Variants in GNAS observed in about 807,000 individuals in gnomAD.
The protein encoded by GNAS is protein ALEX.
In GNAS, 8 loss-of-function variants were observed where a neutral mutation model predicts 54.5. That is an observed-to-expected ratio of 0.15 (90% CI 0.09 to 0.26). GNAS has a LOEUF of 0.26. Ranked by LOEUF, GNAS falls within the 10% of genes least tolerant of loss-of-function variation. The probability of loss-of-function intolerance (pLI) is 1.00; values close to 1 mark genes in which losing one functional copy is unlikely to be tolerated. For missense variants in GNAS, 170 were observed against 529.8 expected (o/e 0.32, Z 6.67); for synonymous variants, 204 against 191.4 (o/e 1.07, Z -0.54).
chr20:58,895,712 A>AC, intron 2 of GNAS, 28 bp downstream of exon 2: 2 of 1,284,200 alleles, frequency 1.6e-6, no homozygotes, highest in Non-Finnish European at 2.3e-6. Flanking sequence ...GCAGGGGGGC[A>AC]CCAAGTAAGA....
intron 3 of GNAS, chr20:58,900,161 T>TGTA (rs544768639): frequency 1.7e-6 from 1 of 586,632 alleles, no homozygotes; most frequent in Non-Finnish European, 3.0e-6. Context: ...TTGGCAGAAA[T>TGTA]GTAGTATGAC....
Position 58,873,977 on chromosome 20 carries a change from C to T in GNAS, c.44-21635C>T, listed in dbSNP as rs1363065088. Among the ~76,000 whole-genome samples, 3 of 152,212 alleles carry T rather than the reference C, an allele frequency of 2.0e-5. No individual in the cohort carries two copies. Among genetic ancestry groups the T allele is most frequent in the African/African-American group, 7.2e-5 (3 of 41,456 alleles). ...AGGTTACCTAAAAGTGTCATGAGTG[C>T]TGATAATTAAACTGCAGAAAACCTA... On this transcript the variant is annotated intron_variant, in intron 1 of 12. Coordinates refer to the GNAS transcript ENST00000306090. The surrounding 1 kb of genome is among the most constrained non-coding windows in gnomAD (Gnocchi z 4.3).
Position 58,895,718 on chromosome 20 carries a change from T to G in GNAS, c.212+34T>G, listed in dbSNP as rs778859201. 36 of 1,213,964 alleles carry G rather than the reference T, an allele frequency of 3.0e-5. No homozygotes were observed. In the East Asian group the frequency reaches 7.9e-4, roughly 27 times the overall value. The allele number at this position is 1,213,964 out of a possible 1,614,324, so 75.2% of individuals were successfully genotyped here. A position where few individuals can be genotyped will look rare whatever the true frequency, so the allele number is the denominator to read the frequency against. ...CAAATCTGTGCAGGGGGGCACCAAG[T>G]AAGAGGAACAGACTTTATACTAACC... On this transcript the variant is annotated intron_variant, in intron 2 of 12. Transcript: ENST00000371085.
chr20:58,908,874 G>A (rs1782671942), intron 6 of GNAS: 2 of 530,332 alleles, frequency 3.8e-6, no homozygotes, highest in African/African-American at 1.9e-5. Context: ...GTGCTGTGCT[G>A]TTTGTGTGGC....
At chr20:58,900,631 G>A (rs140595385) in intron 3 of GNAS, among the ~76,000 whole-genome samples, 118 of 152,314 alleles carry the variant, frequency 7.7e-4, no homozygotes, top group African/African-American at 2.6e-3. Context: ...TCCAGCCTTA[G>A]TCCCAATTTT....
intron 1 of GNAS, chr20:58,854,646 G>A (rs1356499954): frequency 2.0e-6 from 3 of 1,530,920 alleles, no homozygotes; most frequent in African/African-American, 2.8e-5. Flanking sequence ...GGCCCCTGAC[G>A]CCCCAGCCGA....
At chr20:58,881,832 A>C (rs1209169902) in intron 1 of GNAS, 1 of 152,218 alleles carries the variant, frequency 6.6e-6, no homozygotes, top group Non-Finnish European at 1.5e-5. Flanking sequence ...AGCATGTTGC[A>C]GATCAGACTC....
At chr20:58,889,396 G>T, upstream of GNAS, 1 of 982,584 alleles carries the variant, frequency 1.0e-6, no homozygotes, top group Non-Finnish European at 1.2e-6. Flanking sequence ...AGTGCGAGTC[G>T]CCCGGCGCAG....
At position 58,856,888 on chromosome 20, in the gene GNAS, CTCCCAGTCTT is replaced by C; in HGVS notation, c.43+16007_43+16016del. ...CCCACAGCAAGACCCTCTCCTGTATCTCCCAGTCTTTCCCTGGCCATTCCCAGTTCCCCAC... is the reference window on the plus strand; with the variant it reads ...CCCACAGCAAGACCCTCTCCTGTATCTCCCTGGCCATTCCCAGTTCCCCAC... On this transcript the variant is annotated intron_variant, in intron 1 of 12. Coordinates refer to the GNAS transcript ENST00000306090. This position sits in a 1 kb window ranked among gnomAD's most constrained non-coding sequence, Gnocchi z 4.2. 6.6e-6 allele frequency: 1 copy of C among 151,934 alleles called. No individual in the cohort carries two copies. 9.4% of individuals were successfully genotyped at this position (151,934 alleles called of 1,614,324 possible).
At chr20:58,885,930 A>G (rs1184159642) in intron 1 of GNAS, among the ~76,000 whole-genome samples, 1 of 152,244 alleles carries the variant, frequency 6.6e-6, no homozygotes, top group Non-Finnish European at 1.5e-5. Flanking sequence ...TAGGCTATTA[A>G]AATAATATTA....
Position 58,891,849 on chromosome 20 carries a change from C to A in GNAS, c.123C>A (p.His41Gln). The A allele has an allele frequency of 2.4e-6, 3 of 1,233,688 alleles. No individual in the cohort carries two copies. Among genetic ancestry groups the A allele is most frequent in the South Asian group, 1.4e-5 (1 of 69,662 alleles). The allele number at this position is 1,233,688 out of a possible 1,614,324, so 76.4% of individuals were successfully genotyped here. The change falls in exon 1 of 13, where the codon CAC becomes CAA. Residue 41 changes from histidine to glutamine, a missense_variant. Coordinates refer to ENST00000371085, the MANE Select transcript of GNAS (RefSeq NM_000516.7). ...QKDKQVYRAT[H>Q]RLLLLGAGES... ...ACAAGCAGGTCTACCGGGCCACGCACCGCCTGCTGCTGCTGGGTAAGGGCG... is the reference window on the plus strand; with the variant it reads ...ACAAGCAGGTCTACCGGGCCACGCAACGCCTGCTGCTGCTGGGTAAGGGCG...
intron 5 of GNAS, among the ~76,000 whole-genome samples, chr20:58,904,081 A>G (rs1013319593): frequency 2.0e-5 from 3 of 152,234 alleles, no homozygotes; most frequent in Admixed American, 2.0e-4. Flanking sequence ...CTTGAATACT[A>G]CAATCTCACT....
chr20:58,872,402 G>C (rs935940676), intron 1 of GNAS, among the ~76,000 whole-genome samples: 7 of 151,976 alleles, frequency 4.6e-5, no homozygotes, highest in Non-Finnish European at 8.8e-5. Context: ...ACAAAACAAA[G>C]CAAACCCTAA....
At chr20:58,891,933 C>A (rs2089413890) in intron 1 of GNAS, 68 bp downstream of exon 1, 1 of 899,118 alleles carries the variant, frequency 1.1e-6, no homozygotes, top group Non-Finnish European at 1.3e-6. Context: ...AGGCCGCGCG[C>A]GCCGAGCCCG....
chr20:58,904,453 C>T (rs548158569), intron 5 of GNAS, among the ~76,000 whole-genome samples: 1 of 152,280 alleles, frequency 6.6e-6, no homozygotes, highest in Admixed American at 6.5e-5. Flanking sequence ...TGTTGGCTCC[C>T]TAAAGAACTA....
At position 58,891,449 on chromosome 20, in the gene GNAS, C is replaced by T. The variant is rs1311225906; in HGVS notation, c.-278C>T. On this transcript the variant is annotated 5_prime_UTR_variant, in exon 1 of 13. Transcript: ENST00000371085. Reference sequence around the variant, plus strand: ...AGCTCCCGCAGCTCCTGCTCTGGTCCGCCTCGGCCCGGCGGCGGCCATCAG... The same window carrying T: ...AGCTCCCGCAGCTCCTGCTCTGGTCTGCCTCGGCCCGGCGGCGGCCATCAG... The T allele has an allele frequency of 7.9e-6, 5 of 630,558 alleles. No individual in the cohort carries two copies. Among genetic ancestry groups the T allele is most frequent in the South Asian group, 6.6e-5 (1 of 15,180 alleles). 39.1% of individuals were successfully genotyped at this position (630,558 alleles called of 1,614,324 possible).
chr20:58,903,518 A>G lies in GNAS; in HGVS notation c.258-13A>G, dbSNP rs749854088. 2 of 1,609,490 alleles carry G rather than the reference A, an allele frequency of 1.2e-6. No homozygotes were observed. The highest frequency in any genetic ancestry group is 1.7e-6 in the Non-Finnish European group (2 of 1,175,776). On this transcript the variant is annotated splice_polypyrimidine_tract_variant and intron_variant, in intron 3 of 12. Transcript: ENST00000371085. ...TGCAATATGATTTTCTTTTCTTTTC[A>G]ATCCCACTGCAGTGAGAAGGCAACC...
At chr20:58,908,554 T>A (rs1451881142) in intron 6 of GNAS, among the ~76,000 whole-genome samples, 1 of 151,830 alleles carries the variant, frequency 6.6e-6, no homozygotes, top group African/African-American at 2.4e-5. Context: ...GGAAAGTCCT[T>A]GATGTTTTTA....
At chr20:58,902,190 A>G (rs1421129532) in intron 3 of GNAS, among the ~76,000 whole-genome samples, 1 of 151,816 alleles carries the variant, frequency 6.6e-6, no homozygotes. Flanking sequence ...CCGCATGACA[A>G]CGCCCTCACC....
Sources: gnomAD v4.1 joint callset for allele counts (sites outside exome capture counted in the v4.1 genomes callset) on GRCh38, gnomAD v4.1.1 for gene constraint, Gnocchi (gnomAD v3.1) non-coding constraint, MANE v1.5 for transcripts, NCBI Gene and HGNC (gene_info 2026-07-23, HGNC 2026-07-21) for gene names.